The following TNFSF11 variants were observed in gnomAD, a reference collection of about 807,000 sequenced individuals.
TNFSF11 encodes tumor necrosis factor ligand superfamily member 11.
A neutral mutation model predicts 32.2 loss-of-function variants in TNFSF11; 12 were observed. The ratio of observed to expected loss-of-function variants is 0.37; its 90% CI spans 0.24 to 0.60. The LOEUF is 0.60. Among genes scored for constraint, TNFSF11 ranks in the 20% least tolerant of loss-of-function variants. TNFSF11 has a pLI of 0.66. For missense variants in TNFSF11, 345 were observed against 398.0 expected (o/e 0.87, Z 1.13); for synonymous variants, 172 against 152.1 (o/e 1.13, Z -0.96).
intron 4 of TNFSF11, among the ~76,000 whole-genome samples, chr13:42,602,796 A>G (rs906672135): frequency 6.6e-6 from 1 of 152,260 alleles, no homozygotes; most frequent in Admixed American, 6.5e-5. Flanking sequence ...AATGTTCCCT[A>G]CATTTATCTT....
chr13:42,563,595 G>A lies in TNFSF11; in HGVS notation c.-302+632G>A, dbSNP rs547502642. ...GAAGAATCACTTGAACCCAGGAGGCGGAGGTTGCAGTGAGCTGAGATTGCA... is the reference window on the plus strand; with the variant it reads ...GAAGAATCACTTGAACCCAGGAGGCAGAGGTTGCAGTGAGCTGAGATTGCA... On this transcript the variant is annotated intron_variant, in intron 1 of 6. Transcript: ENST00000358545. Among the ~76,000 whole-genome samples, 29 of 151,646 alleles carry A rather than the reference G, an allele frequency of 1.9e-4. No homozygotes were observed. In the South Asian group the frequency reaches 4.2e-3, roughly 22 times the overall value.
chr13:42,581,299 T>C lies in TNFSF11; in HGVS notation c.387+6T>C. On this transcript the variant is annotated splice_donor_region_variant and intron_variant, in intron 2 of 4. Coordinates refer to ENST00000398795, the MANE Select transcript of TNFSF11 (RefSeq NM_003701.4). ...TTCAAGGAGCTGTGCAAAAGGTAAGTCCACATCGAGGCTGATAAGTCAAGG... is the reference window on the plus strand; with the variant it reads ...TTCAAGGAGCTGTGCAAAAGGTAAGCCCACATCGAGGCTGATAAGTCAAGG... 1 of 1,613,988 alleles carries C rather than the reference T, an allele frequency of 6.2e-7. No individual in the cohort carries two copies. Among genetic ancestry groups the C allele is most frequent in the Non-Finnish European group, 8.5e-7 (1 of 1,179,920 alleles).
intron 1 of TNFSF11, 58 bp from the exon 2 acceptor site, chr13:42,581,068 A>G: frequency 6.3e-7 from 1 of 1,581,906 alleles, no homozygotes. Context: ...ACACTGTATT[A>G]AATAGCAGGA....
chr13:42,590,287 C>T (rs1407365909), intron 2 of TNFSF11, among the ~76,000 whole-genome samples: 3 of 152,256 alleles, frequency 2.0e-5, no homozygotes, highest in African/African-American at 7.2e-5. Flanking sequence ...GCCATGTGAT[C>T]AATCCATAGG....
At chr13:42,601,264 C>G (rs1869157936) in intron 4 of TNFSF11, among the ~76,000 whole-genome samples, 1 of 152,178 alleles carries the variant, frequency 6.6e-6, no homozygotes, top group Admixed American at 6.5e-5. Flanking sequence ...GAAGGACAAT[C>G]CTTTGTTATG....
chr13:42,583,417 T>TAAAAAAAC (rs764290582), intron 2 of TNFSF11, among the ~76,000 whole-genome samples: 4 of 24,644 alleles, frequency 1.6e-4, no homozygotes, highest in African/African-American at 7.7e-4. Context: ...AAGACCCTGC[T>TAAAAAAAC]AAAAAAAAAA....
At chr13:42,591,141 G>T (rs1868448582) in intron 2 of TNFSF11, among the ~76,000 whole-genome samples, 1 of 152,206 alleles carries the variant, frequency 6.6e-6, no homozygotes, top group African/African-American at 2.4e-5. Context: ...CAATTAGGAG[G>T]CTGAGTGCAG....
upstream of TNFSF11, among the ~76,000 whole-genome samples, chr13:42,571,399 T>G (rs1873063979): frequency 1.3e-5 from 2 of 152,108 alleles, no homozygotes; most frequent in South Asian, 4.1e-4. Flanking sequence ...GACAGAATCT[T>G]GCTTTGTCTC....
At position 42,607,169 on chromosome 13, in the gene TNFSF11, G is replaced by A. The variant is rs1869509393; in HGVS notation, c.*251G>A. On this transcript the variant is annotated 3_prime_UTR_variant, in exon 5 of 5. Transcript: ENST00000398795. ...GAATTCCTAGAATTAAACCAGATTG[G>A]AGCAATTACGGGGTGACCTTATGAG... 1 of 483,250 alleles carries A rather than the reference G, an allele frequency of 2.1e-6. No homozygotes were observed. Among genetic ancestry groups the A allele is most frequent in the African/African-American group, 2.0e-5 (1 of 50,922 alleles). 29.9% of individuals were successfully genotyped at this position (483,250 alleles called of 1,614,324 possible). A position where few individuals can be genotyped will look rare whatever the true frequency, so the allele number is the denominator to read the frequency against.
At chr13:42,589,998 G>A (rs931381909) in intron 2 of TNFSF11, among the ~76,000 whole-genome samples, 1 of 152,218 alleles carries the variant, frequency 6.6e-6, no homozygotes, top group Admixed American at 6.5e-5. Context: ...ACCCACCTGT[G>A]GGGGTAGGTG....
chr13:42,602,676 A>C (rs1423990997), intron 4 of TNFSF11, among the ~76,000 whole-genome samples: 2 of 152,254 alleles, frequency 1.3e-5, no homozygotes, highest in Non-Finnish European at 2.9e-5. Context: ...TAGCAAAGGC[A>C]ATCAAATAAA....
chr13:42,593,603 A>C (rs1196293779), intron 2 of TNFSF11, among the ~76,000 whole-genome samples: 1 of 152,214 alleles, frequency 6.6e-6, no homozygotes, highest in Non-Finnish European at 1.5e-5. Context: ...CTGGCTATTC[A>C]TTTTCAGAAA....
At chr13:42,589,366 T>G (rs1321571727) in intron 2 of TNFSF11, among the ~76,000 whole-genome samples, 3 of 152,194 alleles carry the variant, frequency 2.0e-5, no homozygotes, top group African/African-American at 7.2e-5. Flanking sequence ...CATCCTCTCT[T>G]GCCTGCATCC....
In TNFSF11 at chr13:42,607,030, C is replaced by A; in HGVS notation, c.*112C>A. 7.6e-7 allele frequency: 1 copy of A among 1,321,368 alleles called. No individual in the cohort carries two copies. The highest frequency in any genetic ancestry group is 1.5e-5 in the African/African-American group (1 of 68,950). 81.9% of individuals were successfully genotyped at this position (1,321,368 alleles called of 1,614,324 possible). A position where few individuals can be genotyped will look rare whatever the true frequency, so the allele number is the denominator to read the frequency against. ...AGACTACTAAGAGGCATGGCCCCAA[C>A]GGTACACGACTCAGTATCCATGCTC... On this transcript the variant is annotated 3_prime_UTR_variant, in exon 5 of 5. Transcript: ENST00000398795.
In TNFSF11 at chr13:42,601,005, T is replaced by TA. The variant is rs773298320; in HGVS notation, c.532+24_532+25insA. 6 of 1,611,854 alleles carry TA rather than the reference T, an allele frequency of 3.7e-6. No homozygotes were observed. In the Admixed American group the frequency reaches 1.0e-4, roughly 27 times the overall value. ...TGGTAAGCTCTATCTGCATCCAGCC[T>TA]GAAAAATATTTTAAGAGTCATTTAT... On this transcript the variant is annotated intron_variant, in intron 4 of 4. Coordinates refer to ENST00000398795, the MANE Select transcript of TNFSF11 (RefSeq NM_003701.4).
At chr13:42,604,034 C>T (rs1869318512) in intron 4 of TNFSF11, among the ~76,000 whole-genome samples, 1 of 152,188 alleles carries the variant, frequency 6.6e-6, no homozygotes. Flanking sequence ...CCTCTCTTCT[C>T]CTGCCTCTCT....
chr13:42,600,591 A>G (rs560068178), intron 2 of TNFSF11, among the ~76,000 whole-genome samples, 161 bp from the exon 3 acceptor site: 2 of 152,318 alleles, frequency 1.3e-5, no homozygotes, highest in South Asian at 4.1e-4. Context: ...ACTTCCATTG[A>G]TAGCCACCTA....
intron 2 of TNFSF11, among the ~76,000 whole-genome samples, chr13:42,569,034 C>T (rs1305933751): frequency 6.6e-6 from 1 of 152,096 alleles, no homozygotes; most frequent in African/African-American, 2.4e-5. Context: ...TGGTAAGGAA[C>T]CCAGGGGCCA....
At chr13:42,583,438 AGAAAGG>A (rs1255073797) in intron 2 of TNFSF11, among the ~76,000 whole-genome samples, 6 of 96,456 alleles carry the variant, frequency 6.2e-5, no homozygotes, top group South Asian at 3.6e-4. Flanking sequence ...AAAAAAAAAA[AGAAAGG>A]AAGAAAGGAA....
Sources: gnomAD v4.1 joint callset for allele counts (sites outside exome capture counted in the v4.1 genomes callset) on GRCh38, gnomAD v4.1.1 for gene constraint, MANE v1.5 for transcripts, NCBI Gene and HGNC (gene_info 2026-07-23, HGNC 2026-07-21) for gene names.